Variants in ZNF346 observed in about 807,000 individuals in gnomAD.
ZNF346 encodes zinc finger protein 346, also known as double-stranded RNA-binding zinc finger protein JAZ.
A neutral mutation model predicts 33.7 loss-of-function variants in ZNF346; 23 were observed. The ratio of observed to expected loss-of-function variants is 0.68; its 90% CI spans 0.49 to 0.97. ZNF346 has a LOEUF of 0.97. ZNF346 is among the 50% of genes least tolerant of loss of function. The probability of loss-of-function intolerance (pLI) is 0.00; values close to 1 mark genes in which losing one functional copy is unlikely to be tolerated. For synonymous variants in ZNF346, 134 were observed against 142.4 expected (o/e 0.94, Z 0.42); for missense variants, 340 against 371.1 (o/e 0.92, Z 0.69).
intron 1 of ZNF346, among the ~76,000 whole-genome samples, chr5:177,034,270 T>C (rs532661494): frequency 5.9e-5 from 9 of 151,354 alleles, no homozygotes; most frequent in African/African-American, 2.2e-4. Flanking sequence ...TGAAGTGCAG[T>C]GGTGTGATCA....
chr5:177,032,533 G>T (rs1313086543), intron 1 of ZNF346, among the ~76,000 whole-genome samples: 1 of 151,816 alleles, frequency 6.6e-6, no homozygotes, highest in Non-Finnish European at 1.5e-5. Context: ...GCCTCAGCCT[G>T]CTGAGTTAGC....
downstream of ZNF346, among the ~76,000 whole-genome samples, chr5:177,072,407 C>A (rs192023019): frequency 2.6e-3 from 392 of 152,318 alleles, 3 homozygotes; most frequent in Middle Eastern, 0.017. Flanking sequence ...GGGTGACAAA[C>A]CTGCTCCATT....
At chr5:177,034,815 A>C (rs1226736337) in intron 1 of ZNF346, among the ~76,000 whole-genome samples, 1 of 152,238 alleles carries the variant, frequency 6.6e-6, no homozygotes, top group Non-Finnish European at 1.5e-5. Context: ...TCAGTTTTCC[A>C]GCATCCGTTG....
intron 5 of ZNF346, 56 bp downstream of exon 5, chr5:177,050,992 C>T: frequency 1.4e-6 from 2 of 1,388,148 alleles, no homozygotes; most frequent in Non-Finnish European, 2.0e-6. Context: ...ACTGGGGCTA[C>T]CCGGACCAGC....
At chr5:177,060,158 A>C (rs1042998106) in intron 5 of ZNF346, among the ~76,000 whole-genome samples, 1 of 152,200 alleles carries the variant, frequency 6.6e-6, no homozygotes, top group Non-Finnish European at 1.5e-5. Flanking sequence ...TCCTGGTTCC[A>C]GCGTGAGGAG....
chr5:177,070,709 C>T (rs191434062), downstream of ZNF346, among the ~76,000 whole-genome samples: 21 of 152,232 alleles, frequency 1.4e-4, no homozygotes, highest in East Asian at 3.3e-3. Flanking sequence ...CCCCCTGGAG[C>T]GGGGGTAAGG....
At chr5:177,034,400 G>A (rs772121246) in intron 1 of ZNF346, among the ~76,000 whole-genome samples, 8 of 151,574 alleles carry the variant, frequency 5.3e-5, no homozygotes, top group Non-Finnish European at 1.2e-4. Context: ...ATCTTTTTTG[G>A]TTTTTTGTAA....
intron 8 of ZNF346, among the ~76,000 whole-genome samples, chr5:177,078,739 C>T (rs1783867426): frequency 2.6e-5 from 4 of 151,548 alleles, no homozygotes; most frequent in South Asian, 4.2e-4. Flanking sequence ...TGGTGATACC[C>T]GTCTCTACTA....
rs553712480 is a variant in ZNF346 at position 177,039,945 on chromosome 5, C to T, written c.176-1181C>T. Among the ~76,000 whole-genome samples the T allele has an allele frequency of 4.9e-3, 746 of 152,068 alleles. 4 individuals are homozygous for T. The highest frequency in any genetic ancestry group is 6.8e-3 in the Non-Finnish European group (465 of 67,972). On this transcript the variant is annotated intron_variant, in intron 1 of 6. Coordinates refer to ENST00000358149, the MANE Select transcript of ZNF346 (RefSeq NM_012279.4). ...CCTGTAATCCCAGCACTTTGGAAGG[C>T]CAAGGTGGGTGGATCACGAGGTCAG... is the stretch of plus-strand genomic sequence containing the variant.
intron 5 of ZNF346, among the ~76,000 whole-genome samples, chr5:177,055,892 A>C (rs1003463497): frequency 6.6e-6 from 1 of 152,048 alleles, no homozygotes; most frequent in African/African-American, 2.4e-5. Flanking sequence ...TCTGACCAAC[A>C]AGGAGAAACC....
At chr5:177,030,697 A>G (rs1296312305) in intron 1 of ZNF346, among the ~76,000 whole-genome samples, 3 of 152,014 alleles carry the variant, frequency 2.0e-5, no homozygotes, top group Admixed American at 1.3e-4. Flanking sequence ...GGTTTTTAGT[A>G]TATTCACAGA....
At chr5:177,050,695 C>T in intron 4 of ZNF346, 56 bp from the exon 5 acceptor site, 7 of 1,602,162 alleles carry the variant, frequency 4.4e-6, no homozygotes, top group Non-Finnish European at 6.0e-6. Context: ...TGAACTCTCT[C>T]ACTGCAGCTC....
At chr5:177,033,575 G>A (rs150249581) in intron 1 of ZNF346, among the ~76,000 whole-genome samples, 1,745 of 152,250 alleles carry the variant, frequency 0.011, 11 homozygotes, top group South Asian at 0.025. Flanking sequence ...CCAGGCTGGA[G>A]TGCAGTGGCA....
intron 8 of ZNF346, among the ~76,000 whole-genome samples, chr5:177,074,180 A>T (rs761840112): frequency 6.6e-6 from 1 of 152,262 alleles, no homozygotes; most frequent in Non-Finnish European, 1.5e-5. Context: ...CAGTTTGTGC[A>T]GTAAAGGCTC....
chr5:177,043,823 A>G (rs974476057), intron 3 of ZNF346, among the ~76,000 whole-genome samples: 1 of 152,094 alleles, frequency 6.6e-6, no homozygotes, highest in Admixed American at 6.6e-5. Flanking sequence ...ACTGTGTGCC[A>G]GACTCCAGCT....
intron 4 of ZNF346, among the ~76,000 whole-genome samples, chr5:177,046,226 G>T (rs1011330599): frequency 6.6e-6 from 1 of 151,434 alleles, no homozygotes; most frequent in Non-Finnish European, 1.5e-5. Context: ...GCTTGAACCC[G>T]GGAGCTGGAG....
At chr5:177,047,456 C>G (rs1780236126) in intron 4 of ZNF346, among the ~76,000 whole-genome samples, 1 of 151,858 alleles carries the variant, frequency 6.6e-6, no homozygotes, top group Non-Finnish European at 1.5e-5. Context: ...CTCCTGCTTC[C>G]ACCTGCTGAA....
chr5:177,023,958 A>G (rs1776299600), intron 1 of ZNF346, among the ~76,000 whole-genome samples: 1 of 151,088 alleles, frequency 6.6e-6, no homozygotes, highest in South Asian at 2.1e-4. Flanking sequence ...CTCCAATTTA[A>G]AAACAAGTCT....
At chr5:177,074,423 G>C (rs1783647462) in intron 8 of ZNF346, among the ~76,000 whole-genome samples, 1 of 152,174 alleles carries the variant, frequency 6.6e-6, no homozygotes, top group African/African-American at 2.4e-5. Flanking sequence ...CTGTCATAGA[G>C]AAGAAGACAG....
Sources: allele counts gnomAD v4.1 joint callset (sites outside exome capture counted in the v4.1 genomes callset), GRCh38; gene constraint gnomAD v4.1.1; transcripts MANE v1.5; gene names NCBI Gene and HGNC (gene_info 2026-07-23, HGNC 2026-07-21).